Variants in ACYP2 observed in about 807,000 individuals in gnomAD.
ACYP2 encodes acylphosphatase-2.
Under a neutral mutation model 11.2 loss-of-function variants are expected in ACYP2, and 12 were observed. That is an observed-to-expected ratio of 1.08 (90% CI 0.69 to 1.74). The LOEUF is 1.74. Ranked by LOEUF, ACYP2 falls within the 40% of genes most tolerant of loss-of-function variation. The pLI, the probability that ACYP2 is intolerant of heterozygous loss-of-function variation, is 0.00. For synonymous variants in ACYP2, 43 were observed against 32.2 expected, an observed-to-expected ratio of 1.33 and a Z score of -1.13; for missense variants, 134 against 101.9, an observed-to-expected ratio of 1.31 and a Z score of -1.35.
chr2:54,217,058 C>T (rs1213247856), intron 6 of ACYP2, among the ~76,000 whole-genome samples: 5 of 152,132 alleles, frequency 3.3e-5, no homozygotes, highest in South Asian at 4.2e-4. Context: ...TTAGGTTTCC[C>T]GTAGAAACAG....
At chr2:54,251,783 A>G (rs1051915840) in intron 6 of ACYP2, among the ~76,000 whole-genome samples, 7 of 152,216 alleles carry the variant, frequency 4.6e-5, no homozygotes, top group Admixed American at 4.6e-4. Flanking sequence ...GAACAGGTTT[A>G]CTTACTATTC....
intron 2 of ACYP2, among the ~76,000 whole-genome samples, chr2:53,980,564 A>G (rs187330649): frequency 2.6e-4 from 40 of 152,188 alleles, no homozygotes; most frequent in African/African-American, 9.2e-4. Context: ...AAAAAATAAA[A>G]AAATAAAGAA....
At chr2:54,294,393 G>T (rs754059355) in intron 6 of ACYP2, among the ~76,000 whole-genome samples, 1 of 152,022 alleles carries the variant, frequency 6.6e-6, no homozygotes, top group Non-Finnish European at 1.5e-5. Context: ...TAATAGGGCA[G>T]TTTTCAAATG....
intron 6 of ACYP2, among the ~76,000 whole-genome samples, chr2:54,242,110 T>C (rs1179615254): frequency 2.0e-5 from 3 of 152,230 alleles, no homozygotes; most frequent in African/African-American, 7.2e-5. Context: ...TATGACTATA[T>C]TGCATGCTTG....
chr2:54,282,446 T>G (rs1486758423), intron 6 of ACYP2, among the ~76,000 whole-genome samples: 3 of 152,200 alleles, frequency 2.0e-5, no homozygotes, highest in Non-Finnish European at 4.4e-5. Context: ...GCCCTTGTGG[T>G]CATATGTCAA....
At chr2:54,139,323 C>T (rs1460505686) in intron 6 of ACYP2, among the ~76,000 whole-genome samples, 1 of 152,132 alleles carries the variant, frequency 6.6e-6, no homozygotes, top group Admixed American at 6.6e-5. Flanking sequence ...CAGTTAAGTG[C>T]TTTATTTATC....
At chr2:53,980,472 C>A (rs1009383496) in intron 2 of ACYP2, among the ~76,000 whole-genome samples, 7 of 151,576 alleles carry the variant, frequency 4.6e-5, no homozygotes, top group Non-Finnish European at 1.0e-4. Flanking sequence ...AATCCCAGCA[C>A]TGTGGGAGGC....
chr2:53,981,928 AT>A (rs1671784433), intron 2 of ACYP2, among the ~76,000 whole-genome samples: 1 of 152,180 alleles, frequency 6.6e-6, no homozygotes, highest in Non-Finnish European at 1.5e-5. Context: ...TAAAACGTTT[AT>A]TTGATATTTA....
chr2:54,038,268 G>A (rs1054962858), intron 2 of ACYP2, among the ~76,000 whole-genome samples: 5 of 152,102 alleles, frequency 3.3e-5, no homozygotes, highest in African/African-American at 9.7e-5. Context: ...TTCACATTAA[G>A]TTCAGCTTCT....
intron 2 of ACYP2, among the ~76,000 whole-genome samples, chr2:54,026,399 A>T (rs576749992): frequency 4.7e-5 from 7 of 149,258 alleles, no homozygotes; most frequent in East Asian, 2.0e-4. Flanking sequence ...ATTAAAAAAT[A>T]AAAAAAAAAT....
At chr2:54,243,521 G>A (rs940603963) in intron 6 of ACYP2, among the ~76,000 whole-genome samples, 33 of 152,098 alleles carry the variant, frequency 2.2e-4, no homozygotes, top group African/African-American at 7.0e-4. Flanking sequence ...TTGAGATGGA[G>A]TCTCGCTCTG....
At chr2:54,029,703 T>C in intron 2 of ACYP2, 3 of 556,090 alleles carry the variant, frequency 5.4e-6, no homozygotes, top group South Asian at 4.5e-5. Flanking sequence ...GTTAATTCTC[T>C]TGGCAGGAAT....
At chr2:54,110,736 T>C (rs1251778766) in intron 4 of ACYP2, among the ~76,000 whole-genome samples, 3 of 151,960 alleles carry the variant, frequency 2.0e-5, no homozygotes, top group Non-Finnish European at 1.5e-5. Context: ...CCTCCCACCG[T>C]GGGAGAGAGA....
At chr2:54,114,704 C>T (rs183646141) in intron 4 of ACYP2, among the ~76,000 whole-genome samples, 1 of 152,104 alleles carries the variant, frequency 6.6e-6, no homozygotes, top group Non-Finnish European at 1.5e-5. Context: ...GCAACAAACC[C>T]ACACCAAAAA....
chr2:54,227,691 CTT>C (rs973059760), intron 6 of ACYP2, among the ~76,000 whole-genome samples: 1 of 151,962 alleles, frequency 6.6e-6, no homozygotes, highest in African/African-American at 2.4e-5. Context: ...ATATAATACT[CTT>C]TGTGATAAAG....
intron 4 of ACYP2, among the ~76,000 whole-genome samples, chr2:54,099,540 T>C (rs1678777425): frequency 6.6e-6 from 1 of 152,214 alleles, no homozygotes; most frequent in Admixed American, 6.5e-5. Flanking sequence ...GATATTTGTC[T>C]TTCTGTGCCT....
chr2:54,015,864 A>T (rs1265278283), intron 2 of ACYP2, among the ~76,000 whole-genome samples: 1 of 152,008 alleles, frequency 6.6e-6, no homozygotes, highest in Non-Finnish European at 1.5e-5. Context: ...GGGTTTTGTT[A>T]TGTTGACCAG....
chr2:53,992,174 TCTTCCTTCCTTCTTTCTC>T (rs1672334284), intron 2 of ACYP2, among the ~76,000 whole-genome samples: 1 of 149,854 alleles, frequency 6.7e-6, no homozygotes, highest in Middle Eastern at 3.2e-3. Flanking sequence ...CTACTTTTTT[TCTTCCTTCCTTCTTTCTC>T]CTTCCTTCCT....
At chr2:54,248,780 C>T (rs947768395) in intron 6 of ACYP2, among the ~76,000 whole-genome samples, 1 of 152,166 alleles carries the variant, frequency 6.6e-6, no homozygotes, top group Admixed American at 6.5e-5. Context: ...AAACTACGAA[C>T]ATCTGTAAAC....
Sources: allele counts gnomAD v4.1 joint callset (sites outside exome capture counted in the v4.1 genomes callset), GRCh38; gene constraint gnomAD v4.1.1; transcripts MANE v1.5; gene names NCBI Gene and HGNC (gene_info 2026-07-23, HGNC 2026-07-21).